MGAT4C: variants seen among roughly 807,000 people sequenced by gnomAD.
MGAT4C encodes alpha-1,3-mannosyl-glycoprotein 4-beta-N-acetylglucosaminyltransferase C.
MGAT4C carries 19 observed loss-of-function variants against 40.1 expected under a neutral mutation model. That is an observed-to-expected ratio of 0.47 (90% CI 0.33 to 0.70). The LOEUF is 0.70. MGAT4C is among the 30% of genes least tolerant of loss of function. MGAT4C has a pLI of 0.02. For missense variants in MGAT4C, 491 were observed against 563.2 expected (o/e 0.87, Z 1.30); for synonymous variants, 181 against 187.1 (o/e 0.97, Z 0.27).
chr12:86,382,500 G>A (rs1299590608), intron 3 of MGAT4C, among the ~76,000 whole-genome samples: 26 of 152,172 alleles, frequency 1.7e-4, no homozygotes, highest in Admixed American at 1.7e-3. Flanking sequence ...CAGATTTTTT[G>A]AGGAAAAATT....
chr12:86,049,967 A>T (rs1024386484), intron 1 of MGAT4C, among the ~76,000 whole-genome samples: 2 of 151,992 alleles, frequency 1.3e-5, no homozygotes, highest in African/African-American at 4.8e-5. Context: ...CATTTAAAGT[A>T]TCAAATTAAA....
At chr12:86,151,135 G>C (rs1360021654) in intron 1 of MGAT4C, among the ~76,000 whole-genome samples, 1 of 152,122 alleles carries the variant, frequency 6.6e-6, no homozygotes, top group African/African-American at 2.4e-5. Flanking sequence ...ATTCTTATCA[G>C]TAGTATATTT....
chr12:86,699,163 T>C (rs761915445), intron 2 of MGAT4C, among the ~76,000 whole-genome samples: 3 of 152,152 alleles, frequency 2.0e-5, no homozygotes, highest in Non-Finnish European at 4.4e-5. Context: ...AATAAATACA[T>C]CCAAGGGACT....
chr12:86,620,574 G>A (rs1431051629), intron 2 of MGAT4C, among the ~76,000 whole-genome samples: 1 of 152,036 alleles, frequency 6.6e-6, no homozygotes, highest in African/African-American at 2.4e-5. Context: ...AGGTGGGAGG[G>A]GGATGGTGGT....
intron 2 of MGAT4C, among the ~76,000 whole-genome samples, chr12:86,006,483 T>G (rs949882213): frequency 1.3e-5 from 2 of 152,168 alleles, no homozygotes; most frequent in Non-Finnish European, 2.9e-5. Context: ...AGAAACAGAC[T>G]TGTTTTGTTC....
chr12:86,818,107 C>G (rs1952638691), intron 1 of MGAT4C, among the ~76,000 whole-genome samples: 1 of 151,258 alleles, frequency 6.6e-6, no homozygotes, highest in African/African-American at 2.4e-5. Flanking sequence ...ACAACTGCAA[C>G]TGAATGAAAT....
chr12:86,324,496 G>A (rs1046169395), intron 4 of MGAT4C, among the ~76,000 whole-genome samples: 12 of 151,556 alleles, frequency 7.9e-5, no homozygotes, highest in Non-Finnish European at 1.6e-4. Flanking sequence ...TTTAGTAGTA[G>A]ATTATATTGC....
chr12:85,994,646 A>C (rs1886402962), intron 2 of MGAT4C, among the ~76,000 whole-genome samples: 2 of 152,160 alleles, frequency 1.3e-5, no homozygotes, highest in South Asian at 4.1e-4. Context: ...CAAACAAAAA[A>C]CAAAAAACAA....
At chr12:86,789,103 A>G (rs770142640) in intron 1 of MGAT4C, among the ~76,000 whole-genome samples, 2 of 152,140 alleles carry the variant, frequency 1.3e-5, no homozygotes, top group African/African-American at 2.4e-5. Flanking sequence ...AATATCAAGC[A>G]AAGGACTTAT....
chr12:85,979,696 T>C lies in MGAT4C; in HGVS notation c.1030A>G (p.Ser344Gly). Residue 344 changes from serine (S) to glycine (G), a missense_variant, in exon 5 of 5, where the codon AGT (serine) becomes GGT (glycine). By Grantham distance (56) the Ser-to-Gly change is moderately conservative. Transcript: ENST00000611864. ...SFDIPDNPPASLYTNMNVFEN... is the reference protein window; with the variant it reads ...SFDIPDNPPAGLYTNMNVFEN... ...AACACATTCATGTTGGTGTACAGACTTGCAGGGGGGTTATCAGGAATGTCA... is the reference window on the plus strand; with the variant it reads ...AACACATTCATGTTGGTGTACAGACCTGCAGGGGGGTTATCAGGAATGTCA... 6.2e-7 allele frequency: 1 copy of C among 1,613,474 alleles called. No homozygotes were observed. Among genetic ancestry groups the C allele is most frequent in the Non-Finnish European group, 8.5e-7 (1 of 1,179,786 alleles).
chr12:86,700,622 T>A (rs1483017417), intron 2 of MGAT4C, among the ~76,000 whole-genome samples: 1 of 152,140 alleles, frequency 6.6e-6, no homozygotes, highest in African/African-American at 2.4e-5. Flanking sequence ...TAGAGTTACA[T>A]CTATATCTAC....
intron 1 of MGAT4C, among the ~76,000 whole-genome samples, chr12:86,741,007 C>G (rs1282756754): frequency 1.3e-5 from 2 of 150,848 alleles, no homozygotes; most frequent in Non-Finnish European, 3.0e-5. Context: ...CTCTCTCCCT[C>G]CCTTATCTAG....
chr12:86,634,578 T>A (rs1963158691), intron 2 of MGAT4C, among the ~76,000 whole-genome samples: 1 of 152,090 alleles, frequency 6.6e-6, no homozygotes. Flanking sequence ...ATGTGATGGT[T>A]AGCTGAATTC....
chr12:86,545,259 T>C (rs1218394285), intron 2 of MGAT4C, among the ~76,000 whole-genome samples: 2 of 152,038 alleles, frequency 1.3e-5, no homozygotes, highest in African/African-American at 2.4e-5. Context: ...AGATTGCTTG[T>C]AAAAGTTTTC....
intron 1 of MGAT4C, among the ~76,000 whole-genome samples, chr12:86,162,940 C>T (rs1885758711): frequency 6.6e-6 from 1 of 152,076 alleles, no homozygotes. Context: ...ATGCTTAGTT[C>T]TTAGGATAAA....
At chr12:86,332,430 G>GA (rs891348056) in intron 4 of MGAT4C, among the ~76,000 whole-genome samples, 39 of 145,126 alleles carry the variant, frequency 2.7e-4, no homozygotes, top group Non-Finnish European at 4.5e-4. Flanking sequence ...CAAAAAAAAA[G>GA]AAAAAAAAAG....
At chr12:86,764,272 G>A (rs1156386793) in intron 1 of MGAT4C, among the ~76,000 whole-genome samples, 1 of 152,154 alleles carries the variant, frequency 6.6e-6, no homozygotes, top group Non-Finnish European at 1.5e-5. Flanking sequence ...TAGCACAGCA[G>A]TCTGAGATCA....
At chr12:86,588,087 G>A (rs1470452677) in intron 2 of MGAT4C, among the ~76,000 whole-genome samples, 1 of 151,754 alleles carries the variant, frequency 6.6e-6, no homozygotes, top group Non-Finnish European at 1.5e-5. Context: ...CTGTGGGTCT[G>A]TCATAGACAG....
intron 2 of MGAT4C, among the ~76,000 whole-genome samples, chr12:86,630,513 C>T (rs772563801): frequency 7.2e-5 from 11 of 151,970 alleles, no homozygotes; most frequent in South Asian, 2.1e-4. Context: ...ATAAAATACT[C>T]GCAAACTGAA....
Sources: gnomAD v4.1 joint callset for allele counts (sites outside exome capture counted in the v4.1 genomes callset) on GRCh38, gnomAD v4.1.1 for gene constraint, MANE v1.5 for transcripts, NCBI Gene and HGNC (gene_info 2026-07-23, HGNC 2026-07-21) for gene names.